Variants in EXOC5 observed in about 807,000 individuals in gnomAD.
EXOC5 encodes the protein exocyst complex component 5.
A neutral mutation model predicts 90.8 loss-of-function variants in EXOC5; 17 were observed. The observed-to-expected ratio is 0.19, with a 90% CI of 0.13 to 0.28. The LOEUF is 0.28. Ranked by LOEUF, EXOC5 falls within the 10% of genes least tolerant of loss-of-function variation. EXOC5 has a pLI of 1.00. For synonymous variants in EXOC5, 260 were observed against 270.0 expected, an observed-to-expected ratio of 0.96 and a Z score of 0.36; for missense variants, 569 against 830.6, an observed-to-expected ratio of 0.69 and a Z score of 3.87.
rs145623687 is a variant in EXOC5, at chr14:57,201,501, T to TAC, written c.*7106_*7107dup. 6.9e-6 allele frequency: 1 copy of TAC among 145,484 alleles called. No individual in the cohort carries two copies. Among genetic ancestry groups the TAC allele is most frequent in the Non-Finnish European group, 1.5e-5 (1 of 66,890 alleles). The allele number at this position is 145,484 out of a possible 1,614,324, so 9.0% of individuals were successfully genotyped here. A position where few individuals can be genotyped will look rare whatever the true frequency, so the allele number is the denominator to read the frequency against. On this transcript the variant is annotated 3_prime_UTR_variant, in exon 18 of 18. Coordinates refer to ENST00000621441, the MANE Select transcript of EXOC5 (RefSeq NM_006544.4). Reference sequence around the variant, plus strand: ...ACACGTGTATAAACACACGTGTATATACACACACATATGTATATATATACA... The same window carrying TAC: ...ACACGTGTATAAACACACGTGTATATACACACACACATATGTATATATATACA...
intron 12 of EXOC5, among the ~76,000 whole-genome samples, chr14:57,226,684 T>C (rs1293748907): frequency 2.6e-5 from 4 of 152,158 alleles, no homozygotes; most frequent in South Asian, 2.1e-4. Context: ...CAGACCCACA[T>C]ATAAATGGTC....
rs1360633491 is a variant in EXOC5, at chr14:57,244,294, G to A, written c.336C>T (p.His112=). The A allele has an allele frequency of 1.9e-6, 3 of 1,613,620 alleles. No individual in the cohort carries two copies. The African/African-American group carries it at 4.0e-5, about 22-fold the overall frequency. Residue 112 remains histidine (H), a synonymous_variant, in exon 4 of 18, where the codon CAC becomes CAT. Coordinates refer to ENST00000621441, the MANE Select transcript of EXOC5 (RefSeq NM_006544.4). ...HISYVATKVC[H]LGDQLEGVNT... ...TTACCCCCTCTAACTGGTCTCCAAG[G>A]TGACAGACTTTAGTTGCTACATAGC...
intron 4 of EXOC5, among the ~76,000 whole-genome samples, chr14:57,242,697 G>C (rs955315745): frequency 6.6e-6 from 1 of 152,090 alleles, no homozygotes; most frequent in African/African-American, 2.4e-5. Flanking sequence ...CTTTCCATTG[G>C]GAAGGTGATT....
intron 12 of EXOC5, among the ~76,000 whole-genome samples, chr14:57,226,437 A>G (rs1257610304): frequency 2.0e-5 from 3 of 152,254 alleles, no homozygotes; most frequent in Non-Finnish European, 4.4e-5. Context: ...AATGGCATCA[A>G]AATATGTGAA....
chr14:57,215,366 T>C (rs1028803850), intron 15 of EXOC5, among the ~76,000 whole-genome samples: 4 of 149,690 alleles, frequency 2.7e-5, no homozygotes, highest in African/African-American at 9.9e-5. Flanking sequence ...AGAAGGACAA[T>C]ATAGGAAAGA....
chr14:57,254,177 G>C (rs543757785), intron 1 of EXOC5, among the ~76,000 whole-genome samples: 67 of 152,292 alleles, frequency 4.4e-4, no homozygotes, highest in African/African-American at 1.6e-3. Context: ...GCTCACACCT[G>C]TAATCCCAGC....
rs1882577673 is a variant in EXOC5 at position 57,204,163 on chromosome 14, T to C, written c.*4446A>G. On this transcript the variant is annotated 3_prime_UTR_variant, in exon 18 of 18. Transcript: ENST00000621441. ...ACAAAACAAAGGTTAATGGTACCTA[T>C]CAAATAATAATGATAAAATACCTCG... The C allele has an allele frequency of 1.3e-5, 2 of 152,126 alleles. No individual in the cohort carries two copies. Among genetic ancestry groups the C allele is most frequent in the African/African-American group, 4.8e-5 (2 of 41,438 alleles). 9.4% of individuals were successfully genotyped at this position (152,126 alleles called of 1,614,324 possible).
At chr14:57,268,589 C>T (rs762752478) in intron 1 of EXOC5, 33 bp downstream of exon 1, 294 of 1,580,218 alleles carry the variant, frequency 1.9e-4, no homozygotes, top group Non-Finnish European at 2.4e-4. Context: ...AAACCCCGGG[C>T]CTGCCACTCC....
chr14:57,245,463 G>A (rs1443482353), intron 3 of EXOC5, among the ~76,000 whole-genome samples: 6 of 152,094 alleles, frequency 3.9e-5, no homozygotes, highest in African/African-American at 1.2e-4. Flanking sequence ...GTTCATAAGC[G>A]GCAGAGCTGA....
chr14:57,219,554 T>A, intron 13 of EXOC5, 112 bp from the exon 14 acceptor site: 1 of 780,816 alleles, frequency 1.3e-6, no homozygotes, highest in Non-Finnish European at 2.0e-6. Flanking sequence ...ATGACACCGC[T>A]ATTTTAATAC....
chr14:57,259,184 C>T (rs1303100574), intron 1 of EXOC5, among the ~76,000 whole-genome samples: 2 of 151,950 alleles, frequency 1.3e-5, no homozygotes, highest in Non-Finnish European at 2.9e-5. Context: ...ATCTCGGCTC[C>T]GCCTCCTGGG....
chr14:57,239,987 A>G (rs2139646917), intron 4 of EXOC5, among the ~76,000 whole-genome samples: 1 of 152,314 alleles, frequency 6.6e-6, no homozygotes, highest in South Asian at 2.1e-4. Flanking sequence ...GCTGAAAGCC[A>G]GGTGTAAATC....
chr14:57,229,382 T>C (rs1883407754), intron 12 of EXOC5, among the ~76,000 whole-genome samples: 2 of 152,080 alleles, frequency 1.3e-5, no homozygotes, highest in Non-Finnish European at 2.9e-5. Context: ...GGGTTCTGCA[T>C]CAGCAGATTC....
At chr14:57,228,706 G>C (rs118074637) in intron 12 of EXOC5, among the ~76,000 whole-genome samples, 4,750 of 151,782 alleles carry the variant, frequency 0.031, 94 homozygotes, top group Middle Eastern at 0.099. Context: ...GGCCTGTTGG[G>C]GGGGTGGGGG....
intron 13 of EXOC5, among the ~76,000 whole-genome samples, chr14:57,220,824 A>T (rs1049558491): frequency 6.6e-6 from 1 of 152,070 alleles, no homozygotes; most frequent in Non-Finnish European, 1.5e-5. Flanking sequence ...AAATAAGGGC[A>T]TATCAAAATT....
At position 57,200,981 on chromosome 14, in the gene EXOC5, G is replaced by A. The variant is rs1334936576; in HGVS notation, c.*7628C>T. On this transcript the variant is annotated 3_prime_UTR_variant, in exon 18 of 18. Transcript: ENST00000621441. ...GTATGGAGTATGGAAGCTCAAGTGAGGTGAGGAAGATGTTGCAGAGGGGCG... is the reference window on the plus strand; with the variant it reads ...GTATGGAGTATGGAAGCTCAAGTGAAGTGAGGAAGATGTTGCAGAGGGGCG... The A allele has an allele frequency of 6.6e-6, 1 of 152,190 alleles. No homozygotes were observed. Among genetic ancestry groups the A allele is most frequent in the African/African-American group, 2.4e-5 (1 of 41,418 alleles). 9.4% of individuals were successfully genotyped at this position (152,190 alleles called of 1,614,324 possible).
intron 15 of EXOC5, among the ~76,000 whole-genome samples, chr14:57,217,746 T>A (rs531729448): frequency 6.6e-6 from 1 of 152,282 alleles, no homozygotes; most frequent in East Asian, 1.9e-4. Flanking sequence ...TAGAAATGAT[T>A]AAGCTTAGTG....
chr14:57,246,504 T>C (rs959082759), intron 3 of EXOC5, among the ~76,000 whole-genome samples: 5 of 152,182 alleles, frequency 3.3e-5, no homozygotes, highest in African/African-American at 1.2e-4. Flanking sequence ...AAGAGTACTG[T>C]GATCCTAAAC....
In EXOC5 at chr14:57,208,441, TA is replaced by T. The variant is rs1297063832; in HGVS notation, c.*167del. On this transcript the variant is annotated 3_prime_UTR_variant, in exon 18 of 18. Coordinates refer to ENST00000621441, the MANE Select transcript of EXOC5 (RefSeq NM_006544.4). Reference sequence around the variant, plus strand: ...TAGCTAGTGGTATCCAAACTTTAAATAAAACCTCAAAGGTAAGTATGGCTGC... The same window carrying T: ...TAGCTAGTGGTATCCAAACTTTAAATAAACCTCAAAGGTAAGTATGGCTGC... The T allele has an allele frequency of 8.7e-6, 4 of 461,822 alleles. No homozygotes were observed. Among genetic ancestry groups the T allele is most frequent in the Non-Finnish European group, 1.5e-5 (4 of 262,360 alleles). The allele number at this position is 461,822 out of a possible 1,614,324, so 28.6% of individuals were successfully genotyped here.
Sources: allele counts gnomAD v4.1 joint callset (sites outside exome capture counted in the v4.1 genomes callset), GRCh38; gene constraint gnomAD v4.1.1; transcripts MANE v1.5; gene names NCBI Gene and HGNC (gene_info 2026-07-23, HGNC 2026-07-21).